Variants in DPY19L1 observed in about 807,000 individuals in gnomAD.
The protein encoded by DPY19L1 is protein C-mannosyl-transferase DPY19L1.
DPY19L1 carries 35 observed loss-of-function variants against 96.9 expected under a neutral mutation model. The observed-to-expected ratio is 0.36, with a 90% CI of 0.28 to 0.48. DPY19L1 has a LOEUF of 0.48. DPY19L1 is among the 20% of genes least tolerant of loss of function. The probability of loss-of-function intolerance (pLI) is 0.99; values close to 1 mark genes in which losing one functional copy is unlikely to be tolerated. For synonymous variants in DPY19L1, 205 were observed against 252.6 expected (o/e 0.81, Z 1.79); for missense variants, 521 against 777.9 (o/e 0.67, Z 3.93).
At chr7:35,007,174 G>C (rs761120759) in intron 6 of DPY19L1, among the ~76,000 whole-genome samples, 3 of 152,150 alleles carry the variant, frequency 2.0e-5, no homozygotes, top group Non-Finnish European at 2.9e-5. Context: ...TGATAGAAAA[G>C]AAGTGATAAG....
intron 8 of DPY19L1, among the ~76,000 whole-genome samples, chr7:34,972,365 G>C (rs1300424179): frequency 6.6e-6 from 1 of 152,220 alleles, no homozygotes; most frequent in Non-Finnish European, 1.5e-5. Flanking sequence ...AAAGGAAGCA[G>C]CGCTCAGTCC....
At chr7:35,037,697 G>T, upstream of DPY19L1, 1 of 432,642 alleles carries the variant, frequency 2.3e-6, no homozygotes, top group Non-Finnish European at 3.1e-6. Flanking sequence ...CCCTGCGAGC[G>T]GCCGCGGCCC....
At chr7:34,938,181 G>A (rs1235585479) in intron 20 of DPY19L1, 62 bp from the exon 21 acceptor site, 1 of 1,524,254 alleles carries the variant, frequency 6.6e-7, no homozygotes, top group South Asian at 1.2e-5. Context: ...TAACACATTT[G>A]GAAGAAAGCA....
Position 34,995,469 on chromosome 7 carries a change from T to C in DPY19L1, c.765-5528A>G, listed in dbSNP as rs189998367. 4.7e-3 allele frequency among the ~76,000 whole-genome samples: 721 copies of C among 152,248 alleles called. 4 individuals are homozygous for C. Among genetic ancestry groups the C allele is most frequent in the Non-Finnish European group, 5.9e-3 (400 of 67,994 alleles). On this transcript the variant is annotated intron_variant, in intron 6 of 21. Transcript: ENST00000638088. ...CCTAAACCTTGATTTTTCTTAGATA[T>C]AAAATGAAGGGATAATAAAAAATAA...
At position 34,949,887 on chromosome 7, in the gene DPY19L1, G is replaced by T. The variant is rs1301275714; in HGVS notation, c.1332C>A (p.Gly444=). Residue 444 remains glycine, a synonymous_variant, in exon 14 of 22, where the codon GGC becomes GGA. Coordinates refer to ENST00000638088, the MANE Select transcript of DPY19L1 (RefSeq NM_001366673.1). ...IFGIADDAHI[G]NLLTSKFFSY... is the part of the protein sequence containing the mutation. Reference sequence around the variant, plus strand: ...TAAAGAATTTTGATGTTAGTAAGTTGCCAATATGAGCCTGGTAAGAAATAA... The same window carrying T: ...TAAAGAATTTTGATGTTAGTAAGTTTCCAATATGAGCCTGGTAAGAAATAA... 1 of 1,553,444 alleles carries T rather than the reference G, an allele frequency of 6.4e-7. No homozygotes were observed. The highest frequency in any genetic ancestry group is 1.4e-5 in the African/African-American group (1 of 72,524).
chr7:34,938,202 C>A, intron 20 of DPY19L1, 83 bp from the exon 21 acceptor site: 1 of 1,416,676 alleles, frequency 7.1e-7, no homozygotes, highest in Non-Finnish European at 9.6e-7. Flanking sequence ...CTGAATTAGA[C>A]TAGAAGACGA....
chr7:34,937,764 T>A (rs577429707), intron 21 of DPY19L1, among the ~76,000 whole-genome samples: 1 of 151,936 alleles, frequency 6.6e-6, no homozygotes, highest in East Asian at 1.9e-4. Flanking sequence ...CAAAACCCCA[T>A]CTCCACTAAA....
rs1051308014 is a variant in DPY19L1, at chr7:34,931,345, T to C, written c.*228A>G. Reference sequence around the variant, plus strand: ...AATATTAAAGTCAAGTACAAGCATATACTCATTTGCATAGCAAATTTTAAA... The same window carrying C: ...AATATTAAAGTCAAGTACAAGCATACACTCATTTGCATAGCAAATTTTAAA... On this transcript the variant is annotated 3_prime_UTR_variant, in exon 22 of 22. Transcript: ENST00000638088. 6 of 450,786 alleles carry C rather than the reference T, an allele frequency of 1.3e-5. No homozygotes were observed. Among genetic ancestry groups the C allele is most frequent in the African/African-American group, 1.0e-4 (5 of 49,136 alleles). The allele number at this position is 450,786 out of a possible 1,614,324, so 27.9% of individuals were successfully genotyped here. A position where few individuals can be genotyped will look rare whatever the true frequency, so the allele number is the denominator to read the frequency against.
intron 8 of DPY19L1, 25 bp downstream of exon 8, chr7:34,973,489 A>G: frequency 7.0e-7 from 1 of 1,418,814 alleles, no homozygotes; most frequent in Non-Finnish European, 9.4e-7. Flanking sequence ...TAATGCAAAA[A>G]GAAATAAGGT....
At chr7:34,974,975 C>T (rs1269252779) in intron 7 of DPY19L1, among the ~76,000 whole-genome samples, 10 of 152,096 alleles carry the variant, frequency 6.6e-5, no homozygotes, top group African/African-American at 2.2e-4. Flanking sequence ...AATAAGATGG[C>T]AAACTTAATG....
At position 34,939,392 on chromosome 7, in the gene DPY19L1, A is replaced by G. The variant is rs780998596; in HGVS notation, c.1865-17T>C. On this transcript the variant is annotated splice_polypyrimidine_tract_variant and intron_variant, in intron 19 of 21. Transcript: ENST00000638088. ...ACACTGCATCTGGAAGGCAAGAGGA[A>G]TGTCTCAGGAAGACACTCAGTGAAG... The G allele has an allele frequency of 4.3e-6, 7 of 1,611,152 alleles. No homozygotes were observed. The East Asian group carries it at 1.6e-4, about 36-fold the overall frequency.
intron 10 of DPY19L1, among the ~76,000 whole-genome samples, chr7:34,960,247 C>T (rs868861724): frequency 3.4e-4 from 52 of 151,722 alleles, no homozygotes; most frequent in African/African-American, 7.5e-4. Flanking sequence ...TATTCAATAA[C>T]GTGTTATTTA....
intron 6 of DPY19L1, among the ~76,000 whole-genome samples, chr7:35,008,631 T>C (rs2128677471): frequency 6.6e-6 from 1 of 152,326 alleles, no homozygotes; most frequent in African/African-American, 2.4e-5. Flanking sequence ...GGTTTGAGGC[T>C]ATAGTGCTCT....
chr7:34,968,764 A>G (rs1784662026), intron 9 of DPY19L1, among the ~76,000 whole-genome samples: 1 of 98,116 alleles, frequency 1.0e-5, no homozygotes, highest in African/African-American at 4.2e-5. Context: ...GAAAGACTCC[A>G]TCGCAAAAAA....
In DPY19L1 at chr7:35,011,457, TAA is replaced by T; in HGVS notation, c.550-9_550-8del. ...ACCAACTGGCCAAAATTACCTATTT[TAA>T]AAAATACAGAGGCATCTTAAGAAAA... On this transcript the variant is annotated splice_region_variant and splice_polypyrimidine_tract_variant and intron_variant, in intron 4 of 21. Coordinates refer to ENST00000638088, the MANE Select transcript of DPY19L1 (RefSeq NM_001366673.1). 6.3e-7 allele frequency: 1 copy of T among 1,592,840 alleles called. No homozygotes were observed.
rs1030174865 is a variant in DPY19L1, at chr7:34,942,711, C to T, written c.1545-72G>A. On this transcript the variant is annotated intron_variant, in intron 16 of 21. Transcript: ENST00000638088. Reference sequence around the variant, plus strand: ...TTACGTCATATATTTGCATTTTCATCTTGCAAACAGGAGTTTTACAACTTC... The same window carrying T: ...TTACGTCATATATTTGCATTTTCATTTTGCAAACAGGAGTTTTACAACTTC... 6.1e-6 allele frequency: 8 copies of T among 1,308,660 alleles called. No individual in the cohort carries two copies. The African/African-American group carries it at 1.0e-4, about 17-fold the overall frequency. The allele number at this position is 1,308,660 out of a possible 1,614,324, so 81.1% of individuals were successfully genotyped here.
At chr7:35,008,386 G>A (rs1384838546) in intron 6 of DPY19L1, among the ~76,000 whole-genome samples, 1 of 152,138 alleles carries the variant, frequency 6.6e-6, no homozygotes, top group African/African-American at 2.4e-5. Context: ...TCAGGTCAGG[G>A]CCAAAACCAC....
chr7:34,994,185 T>C (rs1357388484), intron 6 of DPY19L1, among the ~76,000 whole-genome samples: 1 of 152,144 alleles, frequency 6.6e-6, no homozygotes, highest in Non-Finnish European at 1.5e-5. Flanking sequence ...TCTTTCATAA[T>C]CTAACAGGTC....
At chr7:34,977,826 G>A (rs1466242776) in intron 7 of DPY19L1, among the ~76,000 whole-genome samples, 1 of 151,804 alleles carries the variant, frequency 6.6e-6, no homozygotes. Flanking sequence ...TTCAAAAAAG[G>A]GTTATACAAA....
Sources: allele counts gnomAD v4.1 joint callset (sites outside exome capture counted in the v4.1 genomes callset), GRCh38; gene constraint gnomAD v4.1.1; transcripts MANE v1.5; gene names NCBI Gene and HGNC (gene_info 2026-07-23, HGNC 2026-07-21).